BPIFB1: variants seen among roughly 807,000 people sequenced by gnomAD.
BPIFB1 encodes BPI fold-containing family B member 1.
In BPIFB1, 34 loss-of-function variants were observed where a neutral mutation model predicts 55.1. The observed-to-expected ratio is 0.62, with a 90% CI of 0.47 to 0.82. The LOEUF is 0.82. BPIFB1 is among the 40% of genes least tolerant of loss of function. The pLI is 0.00. For missense variants in BPIFB1, 532 were observed against 593.1 expected (o/e 0.90, Z 1.07); for synonymous variants, 236 against 245.3 (o/e 0.96, Z 0.35).
chr20:33,283,262 T>C lies in BPIFB1; in HGVS notation c.-42+8T>C, dbSNP rs997200328. Reference sequence around the variant, plus strand: ...GGACTCCAGCGTGCCCAGGTAAAAGTAGGGAAGGGGCTGAAAGCCAAGGTT... The same window carrying C: ...GGACTCCAGCGTGCCCAGGTAAAAGCAGGGAAGGGGCTGAAAGCCAAGGTT... On this transcript the variant is annotated splice_region_variant and intron_variant, in intron 1 of 15. Transcript: ENST00000253354. The C allele has an allele frequency of 1.0e-4, 16 of 152,790 alleles. No individual in the cohort carries two copies. The allele number at this position is 152,790 out of a possible 1,614,324, so 9.5% of individuals were successfully genotyped here.
Position 33,309,021 on chromosome 20 carries a change from G to T in BPIFB1, c.1396-687G>T, listed in dbSNP as rs879414237. Among the ~76,000 whole-genome samples the T allele has an allele frequency of 3.3e-5, 5 of 152,014 alleles. No individual in the cohort carries two copies. Among genetic ancestry groups the T allele is most frequent in the Admixed American group, 3.3e-4 (5 of 15,264 alleles). ...CCAGATGGTCTCAGCTCAAGGCCAG[G>T]ATCATGTCCATCTTGTCCATGCCTC... is the stretch of plus-strand genomic sequence containing the variant. On this transcript the variant is annotated intron_variant, in intron 15 of 15. Transcript: ENST00000253354. The surrounding 1 kb of genome is among the most constrained non-coding windows in gnomAD (Gnocchi z 4.4).
intron 1 of BPIFB1, among the ~76,000 whole-genome samples, chr20:33,283,913 A>G (rs1444570261): frequency 1.3e-5 from 2 of 152,112 alleles, no homozygotes; most frequent in Admixed American, 6.5e-5. Flanking sequence ...AGGACTGAGC[A>G]GTGTGTACAG....
intron 4 of BPIFB1, among the ~76,000 whole-genome samples, chr20:33,290,244 GA>G (rs1451552325): frequency 6.6e-6 from 1 of 152,216 alleles, no homozygotes; most frequent in Non-Finnish European, 1.5e-5. Context: ...CCTCTTGGGA[GA>G]AGATAAGGAC....
chr20:33,291,102 C>CT lies in BPIFB1; in HGVS notation c.511_512insT (p.His171LeufsTer2). The CT allele has an allele frequency of 6.2e-7, 1 of 1,610,780 alleles. No homozygotes were observed. Among genetic ancestry groups the CT allele is most frequent in the Non-Finnish European group, 8.5e-7 (1 of 1,179,978 alleles). ...TGGGAGCCTGCGCATCCAACTGCTG[C>CT]ATAAGTGAGTGTCGCTGGCCACCAG... On this transcript the variant is annotated frameshift_variant, in exon 5 of 16. Transcript: ENST00000253354. LOFTEE classifies it high-confidence loss of function.
chr20:33,291,141 C>T, intron 5 of BPIFB1, 35 bp downstream of exon 5: 1 of 1,603,448 alleles, frequency 6.2e-7, no homozygotes, highest in Non-Finnish European at 8.5e-7. Context: ...GGCTCCCATC[C>T]TGCCTGGAAG....
chr20:33,306,380 C>A (rs1240292322), intron 14 of BPIFB1, among the ~76,000 whole-genome samples: 2 of 152,198 alleles, frequency 1.3e-5, no homozygotes, highest in Admixed American at 1.3e-4. Flanking sequence ...CCTGTTCCCC[C>A]TCTTGCTAGT....
At chr20:33,296,878 G>T (rs1244267970) in intron 6 of BPIFB1, among the ~76,000 whole-genome samples, 1 of 152,194 alleles carries the variant, frequency 6.6e-6, no homozygotes, top group Admixed American at 6.5e-5. Flanking sequence ...CATGTGAAAA[G>T]AACTCAGTAG....
At chr20:33,288,387 T>C (rs1194840331) in intron 2 of BPIFB1, among the ~76,000 whole-genome samples, 1 of 152,148 alleles carries the variant, frequency 6.6e-6, no homozygotes, top group Non-Finnish European at 1.5e-5. Context: ...GTTTTGAGGG[T>C]TCCCTGCCTG....
chr20:33,295,011 T>C (rs1272430855), intron 6 of BPIFB1, among the ~76,000 whole-genome samples: 1 of 151,812 alleles, frequency 6.6e-6, no homozygotes, highest in Non-Finnish European at 1.5e-5. Flanking sequence ...GATCAGGAGC[T>C]TGAGACCAGG....
Position 33,302,700 on chromosome 20 carries a change from A to C in BPIFB1, c.982-216A>C, listed in dbSNP as rs1473344043. ...CTGGGACGTCAGGGAGGCCTCCCTG[A>C]AGGGAAGGGCATTCCAGACAGAGGG... On this transcript the variant is annotated intron_variant, in intron 10 of 15. Transcript: ENST00000253354. The C allele has an allele frequency of 6.2e-6, 4 of 644,720 alleles. No individual in the cohort carries two copies. The African/African-American group carries it at 7.3e-5, about 12-fold the overall frequency. The allele number at this position is 644,720 out of a possible 1,614,324, so 39.9% of individuals were successfully genotyped here. A position where few individuals can be genotyped will look rare whatever the true frequency, so the allele number is the denominator to read the frequency against.
chr20:33,286,169 C>T lies in BPIFB1; in HGVS notation c.96C>T (p.Gly32=), dbSNP rs1980261144. Residue 32 remains glycine, a synonymous_variant, in exon 2 of 16, where the codon GGC becomes GGT. Coordinates refer to ENST00000253354, the MANE Select transcript of BPIFB1 (RefSeq NM_033197.3). ...TLSPTAVLIL[G]PKVIKEKLTQ... ...GTCCCACTGCAGTTCTCATCCTCGG[C>T]CCAAAAGTCATCAAAGAAAGTAAGT... The T allele has an allele frequency of 3.1e-6, 5 of 1,614,196 alleles. No homozygotes were observed. The highest frequency in any genetic ancestry group is 4.2e-6 in the Non-Finnish European group (5 of 1,180,028).
chr20:33,291,987 A>T lies in BPIFB1; in HGVS notation c.596A>T (p.Gln199Leu). ...TCCCTGCCCAATCTAGTGAAAAACC[A>T]GGTGAGTGGAATCAGGGCCTCTCTG... ...VPSLPNLVKN[Q>L]LCPVIEASFN... The change falls in exon 6 of 16, where the codon CAG (glutamine) becomes CTG (leucine). Residue 199 changes from glutamine (Q) to leucine (L), a missense_variant and splice_region_variant. Gln to Leu is a moderately radical substitution (Grantham distance 113). Coordinates refer to ENST00000253354, the MANE Select transcript of BPIFB1 (RefSeq NM_033197.3). The T allele has an allele frequency of 6.2e-7, 1 of 1,614,162 alleles. No homozygotes were observed. Among genetic ancestry groups the T allele is most frequent in the Non-Finnish European group, 8.5e-7 (1 of 1,179,946 alleles).
chr20:33,283,890 C>G (rs1388830999), intron 1 of BPIFB1, among the ~76,000 whole-genome samples: 1 of 152,068 alleles, frequency 6.6e-6, no homozygotes, highest in African/African-American at 2.4e-5. Flanking sequence ...CCCTGGGTTT[C>G]TCTGATCCAA....
intron 11 of BPIFB1, among the ~76,000 whole-genome samples, chr20:33,303,736 T>C (rs1980927976): frequency 6.6e-6 from 1 of 152,176 alleles, no homozygotes; most frequent in South Asian, 2.1e-4. Context: ...ATCATTATCA[T>C]TCCCCACAGC....
rs1013491041 is a variant in BPIFB1 at position 33,293,120 on chromosome 20, G to T, written c.597+1132G>T. On this transcript the variant is annotated intron_variant, in intron 6 of 15. Transcript: ENST00000253354. ...TATTTTTAGTAGAGACAAGGTTTTC[G>T]CCATGTTGGCCAGGCTGGTCTCAAA... Among the ~76,000 whole-genome samples, 3 of 152,188 alleles carry T rather than the reference G, an allele frequency of 2.0e-5. No homozygotes were observed. In the East Asian group the frequency reaches 5.8e-4, roughly 29 times the overall value.
In BPIFB1 at chr20:33,295,332, G is replaced by A. The variant is rs373059251; in HGVS notation, c.598-2193G>A. Among the ~76,000 whole-genome samples, 331 of 151,538 alleles carry A rather than the reference G, an allele frequency of 2.2e-3. 1 individual carries two copies. The highest frequency in any genetic ancestry group is 7.3e-3 in the African/African-American group (299 of 41,228). On this transcript the variant is annotated intron_variant, in intron 6 of 15. Coordinates refer to ENST00000253354, the MANE Select transcript of BPIFB1 (RefSeq NM_033197.3). ...GGAAAAAAATCTAGCTAGGCTGGTC[G>A]TGGCGGCTCACTCCTATAATCCCAG...
At chr20:33,299,832 GCCC>G (rs1277600149) in intron 7 of BPIFB1, 64 bp from the exon 8 acceptor site, 3 of 1,373,626 alleles carry the variant, frequency 2.2e-6, no homozygotes, top group Non-Finnish European at 3.1e-6. Context: ...CCTGGAAGCA[GCCC>G]CCCAACTTCC....
rs201603892 is a variant in BPIFB1 at position 33,302,873 on chromosome 20, G to A, written c.982-43G>A. 5.6e-6 allele frequency: 9 copies of A among 1,606,256 alleles called. No individual in the cohort carries two copies. The African/African-American group carries it at 1.1e-4, about 19-fold the overall frequency. On this transcript the variant is annotated intron_variant, in intron 10 of 15. Coordinates refer to ENST00000253354, the MANE Select transcript of BPIFB1 (RefSeq NM_033197.3). ...CCACACACAGAGCCTGTGGGCCATG[G>A]TGGGCACTTGGGAGGCCACATGTGG... is the stretch of plus-strand genomic sequence containing the variant.
chr20:33,302,561 G>A, intron 10 of BPIFB1, 149 bp downstream of exon 10: 1 of 871,918 alleles, frequency 1.1e-6, no homozygotes, highest in Non-Finnish European at 1.9e-6. Context: ...TTTCAGTCTA[G>A]CAGGCCAGTT....
Sources: gnomAD v4.1 joint callset for allele counts (sites outside exome capture counted in the v4.1 genomes callset) on GRCh38, gnomAD v4.1.1 for gene constraint, Gnocchi (gnomAD v3.1) non-coding constraint, MANE v1.5 for transcripts, NCBI Gene and HGNC (gene_info 2026-07-23, HGNC 2026-07-21) for gene names.